The following CRACD variants were observed in gnomAD, a reference collection of about 807,000 sequenced individuals.
CRACD encodes capping protein inhibiting regulator of actin dynamics, also known as capping protein-inhibiting regulator of actin dynamics.
CRACD carries 56 observed loss-of-function variants against 106.8 expected under a neutral mutation model. The observed-to-expected ratio is 0.52, with a 90% CI of 0.42 to 0.66. The LOEUF is 0.66. Among genes scored for constraint, CRACD ranks in the 30% least tolerant of loss-of-function variants. The pLI, the probability that CRACD is intolerant of heterozygous loss-of-function variation, is 0.00. For synonymous variants in CRACD, 754 were observed against 670.8 expected (o/e 1.12, Z -1.92); for missense variants, 1,730 against 1,623.2 (o/e 1.07, Z -1.13).
intron 1 of CRACD, among the ~76,000 whole-genome samples, chr4:56,146,790 A>G (rs1735398526): frequency 6.6e-6 from 1 of 152,110 alleles, no homozygotes; most frequent in African/African-American, 2.4e-5. Flanking sequence ...AGGCTTTTGC[A>G]ACTATCATTG....
chr4:56,314,587 A>T lies in CRACD; in HGVS notation c.1085A>T (p.Glu362Val). ...GRCAEELKRQEEEEAEGWEEL... is the reference protein window; with the variant it reads ...GRCAEELKRQVEEEAEGWEEL... ...TGCGCGGAGGAGCTCAAAAGGCAGG[A>T]GGAGGAGGAGGCTGAGGGATGGGAA... is the stretch of plus-strand genomic sequence containing the variant. Residue 362 changes from glutamate to valine, a missense_variant, in exon 8 of 11, where the codon GAG becomes GTG. Transcript: ENST00000682029. The surrounding 1 kb of genome is among the most constrained non-coding windows in gnomAD (Gnocchi z 4.4). The T allele has an allele frequency of 6.6e-7, 1 of 1,521,114 alleles. No homozygotes were observed. Among genetic ancestry groups the T allele is most frequent in the South Asian group, 1.3e-5 (1 of 79,442 alleles). The allele number at this position is 1,521,114 out of a possible 1,614,324, so 94.2% of individuals were successfully genotyped here.
intron 1 of CRACD, among the ~76,000 whole-genome samples, chr4:56,133,620 G>C (rs866327668): frequency 6.6e-6 from 1 of 152,174 alleles, no homozygotes; most frequent in South Asian, 2.1e-4. Flanking sequence ...TGTCTTTCTT[G>C]TCGAACCTAC....
intron 2 of CRACD, among the ~76,000 whole-genome samples, chr4:56,264,070 C>T (rs924643400): frequency 5.3e-5 from 8 of 152,250 alleles, no homozygotes; most frequent in South Asian, 2.1e-4. Context: ...AAAGGGGAAG[C>T]AGGCACATCT....
At chr4:56,285,583 G>A (rs1190161054) in intron 3 of CRACD, among the ~76,000 whole-genome samples, 1 of 152,072 alleles carries the variant, frequency 6.6e-6, no homozygotes, top group East Asian at 1.9e-4. Flanking sequence ...GGGACAACAG[G>A]CACGGGCCAC....
Position 56,093,597 on chromosome 4 carries a change from C to T in CRACD, c.-336+44298C>T, listed in dbSNP as rs17086275. Among the ~76,000 whole-genome samples, 1,486 of 152,250 alleles carry T rather than the reference C, an allele frequency of 9.8e-3. 26 individuals are homozygous for T. Among genetic ancestry groups the T allele is most frequent in the East Asian group, 0.065 (336 of 5,180 alleles). On this transcript the variant is annotated intron_variant, in intron 1 of 10. Transcript: ENST00000682029. ...CTGTCATCTTCTTCCACGAGGTAGG[C>T]GAGTCCTGCCACTGAAAGTCCTGAA...
At chr4:56,051,808 G>C (rs952892950) in intron 1 of CRACD, among the ~76,000 whole-genome samples, 2 of 152,134 alleles carry the variant, frequency 1.3e-5, no homozygotes, top group African/African-American at 2.4e-5. Flanking sequence ...ACAAGTTCTC[G>C]AGGCAGGTGA....
chr4:56,327,352 G>A (rs1181658525), intron 10 of CRACD, among the ~76,000 whole-genome samples: 1 of 152,036 alleles, frequency 6.6e-6, no homozygotes, highest in African/African-American at 2.4e-5. Flanking sequence ...GTGTTGGAGA[G>A]ATGTTCATCA....
chr4:56,156,242 A>G (rs1198003751), intron 1 of CRACD, among the ~76,000 whole-genome samples: 4 of 152,176 alleles, frequency 2.6e-5, no homozygotes, highest in Admixed American at 2.6e-4. Context: ...GATTACAGGC[A>G]TGAGCCACCG....
At chr4:56,256,356 G>T (rs184751063) in intron 2 of CRACD, among the ~76,000 whole-genome samples, 48 of 152,258 alleles carry the variant, frequency 3.2e-4, no homozygotes, top group Non-Finnish European at 5.9e-4. Context: ...ATGATTGTGA[G>T]GCCTCCCCAG....
chr4:56,188,735 G>GAGAGAGA (rs60242539), intron 2 of CRACD, among the ~76,000 whole-genome samples: 5 of 148,160 alleles, frequency 3.4e-5, no homozygotes, highest in South Asian at 2.2e-4. Flanking sequence ...GAGAGAGAGA[G>GAGAGAGA]GGGTTAACAT....
At chr4:56,251,190 C>T (rs1314919027) in intron 2 of CRACD, among the ~76,000 whole-genome samples, 1 of 152,160 alleles carries the variant, frequency 6.6e-6, no homozygotes, top group African/African-American at 2.4e-5. Context: ...CCTTGACCGC[C>T]TGAGTCTTCT....
chr4:56,260,162 T>C (rs572510152), intron 2 of CRACD, among the ~76,000 whole-genome samples: 15 of 152,358 alleles, frequency 9.8e-5, no homozygotes, highest in African/African-American at 3.6e-4. Flanking sequence ...CTTATTTTGT[T>C]ATGAATGTGT....
chr4:56,087,099 C>A (rs1006920644), intron 1 of CRACD, among the ~76,000 whole-genome samples: 98 of 152,186 alleles, frequency 6.4e-4, no homozygotes, highest in Non-Finnish European at 9.0e-4. Context: ...ACAACCTCCG[C>A]CTCCCGGGTT....
At position 56,316,199 on chromosome 4, in the gene CRACD, C is replaced by T. The variant is rs1487848823; in HGVS notation, c.2697C>T (p.Ala899=). ...ARGEKEMEGV[A]LKHGPSLPQE... ...GAGAGAAAGAGATGGAGGGTGTGGC[C>T]CTCAAGCATGGTCCATCCCTCCCCC... is the stretch of plus-strand genomic sequence containing the variant. The change falls in exon 8 of 11, where the codon GCC becomes GCT. Residue 899 remains alanine, a synonymous_variant. Coordinates refer to ENST00000682029, the MANE Select transcript of CRACD (RefSeq NM_001393381.1). The T allele has an allele frequency of 9.3e-6, 15 of 1,613,996 alleles. No individual in the cohort carries two copies. Among genetic ancestry groups the T allele is most frequent in the South Asian group, 3.3e-5 (3 of 91,086 alleles).
intron 3 of CRACD, among the ~76,000 whole-genome samples, chr4:56,277,500 C>T (rs980195276): frequency 6.6e-6 from 1 of 150,522 alleles, no homozygotes; most frequent in African/African-American, 2.4e-5. Flanking sequence ...GAAACTCCTT[C>T]AACTTGATAA....
intron 2 of CRACD, among the ~76,000 whole-genome samples, chr4:56,247,181 C>T (rs1248809896): frequency 1.3e-5 from 2 of 152,050 alleles, no homozygotes; most frequent in East Asian, 3.9e-4. Flanking sequence ...GGCATGAGAC[C>T]CTTTGCACAC....
intron 2 of CRACD, among the ~76,000 whole-genome samples, chr4:56,224,288 G>C (rs1453242010): frequency 2.0e-5 from 3 of 151,948 alleles, no homozygotes; most frequent in African/African-American, 7.3e-5. Context: ...TTGAAATTTT[G>C]TTCATGTATC....
Position 56,236,546 on chromosome 4 carries a change from A to G in CRACD, c.-188-35775A>G, listed in dbSNP as rs146270059. Among the ~76,000 whole-genome samples, 43 of 152,270 alleles carry G rather than the reference A, an allele frequency of 2.8e-4. 1 individual carries two copies. The highest frequency in any genetic ancestry group is 3.4e-3 in the Middle Eastern group (1 of 294). Reference sequence around the variant, plus strand: ...CAGTCAGAAGAGATGACAGCTTTGAACTACTCACACAGGTGGGCCACTGTG... The same window carrying G: ...CAGTCAGAAGAGATGACAGCTTTGAGCTACTCACACAGGTGGGCCACTGTG... On this transcript the variant is annotated intron_variant, in intron 2 of 10. Transcript: ENST00000682029.
At chr4:56,073,449 A>T (rs1732732358) in intron 1 of CRACD, among the ~76,000 whole-genome samples, 1 of 152,166 alleles carries the variant, frequency 6.6e-6, no homozygotes, top group Admixed American at 6.5e-5. Flanking sequence ...AACTTCTGTA[A>T]TTATTATTGG....
Sources: gnomAD v4.1 joint callset for allele counts (sites outside exome capture counted in the v4.1 genomes callset) on GRCh38, gnomAD v4.1.1 for gene constraint, Gnocchi (gnomAD v3.1) non-coding constraint, MANE v1.5 for transcripts, NCBI Gene and HGNC (gene_info 2026-07-23, HGNC 2026-07-21) for gene names.